PRR5L: variants seen among roughly 807,000 people sequenced by gnomAD.
PRR5L encodes the protein proline rich 5 like.
In PRR5L, 21 loss-of-function variants were observed where a neutral mutation model predicts 36.4. The observed-to-expected ratio is 0.58, with a 90% CI of 0.41 to 0.83. The LOEUF (loss-of-function observed/expected upper bound fraction) is 0.83, where lower values mean the gene tolerates loss of function less well. Among genes scored for constraint, PRR5L ranks in the 40% least tolerant of loss-of-function variants. The pLI is 0.00. For synonymous variants in PRR5L, 188 were observed against 197.0 expected (o/e 0.95, Z 0.38); for missense variants, 381 against 473.3 (o/e 0.80, Z 1.81).
In PRR5L at chr11:36,314,746, G is replaced by A. The variant is rs547532244; in HGVS notation, c.-126+18308G>A. 1.6e-4 allele frequency among the ~76,000 whole-genome samples: 25 copies of A among 152,280 alleles called. No homozygotes were observed. In the South Asian group the frequency reaches 3.9e-3, roughly 24 times the overall value. On this transcript the variant is annotated intron_variant, in intron 1 of 8. Coordinates refer to ENST00000530639, the MANE Select transcript of PRR5L (RefSeq NM_001160167.2). The stretch of plus-strand genomic sequence containing the variant: ...ACTAGATTCATTGATGTATGAAGAC[G>A]GCGCTTTCCTTAAGGGGTCTCAAAG...
rs1859178019 is a variant in PRR5L at position 36,461,466 on chromosome 11, T to C, written c.713-876T>C. Among the ~76,000 whole-genome samples, 5 of 151,832 alleles carry C rather than the reference T, an allele frequency of 3.3e-5. No homozygotes were observed. In the South Asian group the frequency reaches 1.0e-3, roughly 32 times the overall value. ...GGTGAAACCCCGTCTCTAGTAAAAA[T>C]ACAAAAATTAGCTGGGCATGGTGGT... is the stretch of plus-strand genomic sequence containing the variant. On this transcript the variant is annotated intron_variant, in intron 8 of 8. Coordinates refer to ENST00000530639, the MANE Select transcript of PRR5L (RefSeq NM_001160167.2).
At chr11:36,444,473 C>A (rs12293694) in intron 6 of PRR5L, among the ~76,000 whole-genome samples, 1,787 of 152,260 alleles carry the variant, frequency 0.012, 39 homozygotes, top group African/African-American at 0.041. Flanking sequence ...TAATCTTTGC[C>A]TTTAAATGTT....
intron 1 of PRR5L, among the ~76,000 whole-genome samples, chr11:36,359,664 T>C (rs115989558): frequency 0.023 from 3,524 of 152,300 alleles, 133 homozygotes; most frequent in African/African-American, 0.079. Flanking sequence ...ACTAACAGTA[T>C]GTCCCAAAGG....
At chr11:36,357,546 C>A (rs1412143233) in intron 1 of PRR5L, among the ~76,000 whole-genome samples, 2 of 152,166 alleles carry the variant, frequency 1.3e-5, no homozygotes, top group Non-Finnish European at 2.9e-5. Context: ...AAGTTGAAGT[C>A]AGTCCTCATT....
intron 1 of PRR5L, among the ~76,000 whole-genome samples, chr11:36,329,953 C>T (rs1432285404): frequency 6.6e-6 from 1 of 152,168 alleles, no homozygotes; most frequent in African/African-American, 2.4e-5. Flanking sequence ...TAAAGTCAAA[C>T]TTAGTTGTTA....
intron 4 of PRR5L, among the ~76,000 whole-genome samples, chr11:36,429,593 G>A (rs192928922): frequency 6.6e-6 from 1 of 152,238 alleles, no homozygotes; most frequent in East Asian, 1.9e-4. Flanking sequence ...CTCTATAGGT[G>A]CATCTCAGAA....
chr11:36,334,031 A>G (rs1378867710), intron 1 of PRR5L, among the ~76,000 whole-genome samples: 1 of 152,160 alleles, frequency 6.6e-6, no homozygotes, highest in Non-Finnish European at 1.5e-5. Context: ...GATGGGTAGC[A>G]TCTGGTTTCC....
At chr11:36,451,414 T>C in intron 8 of PRR5L, 79 bp downstream of exon 8, 1 of 1,516,270 alleles carries the variant, frequency 6.6e-7, no homozygotes, top group Non-Finnish European at 9.1e-7. Context: ...ACTGTTTAAC[T>C]GAGCACTGAT....
intron 1 of PRR5L, among the ~76,000 whole-genome samples, chr11:36,358,365 C>G (rs1483468336): frequency 6.6e-6 from 1 of 152,164 alleles, no homozygotes; most frequent in Non-Finnish European, 1.5e-5. Flanking sequence ...CAGCACCCAC[C>G]ACCCTGACCA....
At chr11:36,366,711 T>C (rs1300573100) in intron 1 of PRR5L, among the ~76,000 whole-genome samples, 1 of 152,206 alleles carries the variant, frequency 6.6e-6, no homozygotes, top group African/African-American at 2.4e-5. Context: ...GTACCTTGTA[T>C]TATGGTGCCT....
At chr11:36,325,503 G>C (rs1319973163) in intron 1 of PRR5L, among the ~76,000 whole-genome samples, 1 of 152,102 alleles carries the variant, frequency 6.6e-6, no homozygotes, top group African/African-American at 2.4e-5. Flanking sequence ...GAGGGTAGCC[G>C]TTGCTGGCTT....
intron 2 of PRR5L, among the ~76,000 whole-genome samples, chr11:36,401,819 G>T (rs12290256): frequency 0.041 from 6,219 of 152,236 alleles, 165 homozygotes; most frequent in African/African-American, 0.064. Flanking sequence ...AGGGCCTCTG[G>T]CCTGTTAGAG....
At chr11:36,452,416 G>C (rs1858963550) in intron 8 of PRR5L, among the ~76,000 whole-genome samples, 1 of 152,252 alleles carries the variant, frequency 6.6e-6, no homozygotes, top group Non-Finnish European at 1.5e-5. Flanking sequence ...CCAGCTGGCA[G>C]TTTTCACCAC....
intron 1 of PRR5L, among the ~76,000 whole-genome samples, chr11:36,338,977 G>A (rs997176703): frequency 6.6e-6 from 1 of 152,170 alleles, no homozygotes; most frequent in Non-Finnish European, 1.5e-5. Context: ...GATCTGATGG[G>A]TTTGTCAGGG....
Position 36,462,558 on chromosome 11 carries a change from C to T in PRR5L, c.929C>T (p.Ser310Leu), listed in dbSNP as rs765624817. 1.5e-5 allele frequency: 24 copies of T among 1,612,228 alleles called. No homozygotes were observed. Among genetic ancestry groups the T allele is most frequent in the Non-Finnish European group, 2.0e-5 (23 of 1,179,274 alleles). Residue 310 changes from serine (S) to leucine (L), a missense_variant, in exon 9 of 9, where the codon TCG becomes TTG. Physicochemically the swap from Ser to Leu is moderately radical, Grantham distance 145 (BLOSUM62 -2). Coordinates refer to ENST00000530639, the MANE Select transcript of PRR5L (RefSeq NM_001160167.2). The stretch of plus-strand genomic sequence containing the variant: ...CTGGCCATGGCCACCATGATGCACT[C>T]GGGCCTGGGGGAGGAGGCCAGCAGT... ...QLLAMATMMH[S>L]GLGEEASSEN...
chr11:36,313,346 T>G (rs984737249), intron 1 of PRR5L, among the ~76,000 whole-genome samples: 5 of 152,220 alleles, frequency 3.3e-5, no homozygotes, highest in Non-Finnish European at 7.4e-5. Context: ...ACCCTTTATA[T>G]TATTACATGT....
chr11:36,341,236 G>A (rs929343678), intron 1 of PRR5L, among the ~76,000 whole-genome samples: 12 of 152,190 alleles, frequency 7.9e-5, no homozygotes, highest in Admixed American at 6.5e-5. Context: ...TTTGGGGGCA[G>A]GGTTACTTGC....
intron 4 of PRR5L, among the ~76,000 whole-genome samples, chr11:36,431,473 AT>A (rs34356448): frequency 0.1 from 15,738 of 151,652 alleles, 1,074 homozygotes; most frequent in South Asian, 0.19. Flanking sequence ...TTAAAAAAAA[AT>A]ATGTTATTTC....
At chr11:36,386,233 C>T (rs1378903345) in intron 1 of PRR5L, among the ~76,000 whole-genome samples, 1 of 152,016 alleles carries the variant, frequency 6.6e-6, no homozygotes, top group Non-Finnish European at 1.5e-5. Context: ...CTGCAGTGGG[C>T]TGTGATTGTG....
Sources: allele counts gnomAD v4.1 joint callset (sites outside exome capture counted in the v4.1 genomes callset), GRCh38; gene constraint gnomAD v4.1.1; transcripts MANE v1.5; gene names NCBI Gene and HGNC (gene_info 2026-07-23, HGNC 2026-07-21).